Variants in ACSM3 observed in about 807,000 individuals in gnomAD.
The protein encoded by ACSM3 is acyl-coenzyme A synthetase ACSM3, mitochondrial.
In ACSM3, 61 loss-of-function variants were observed where a neutral mutation model predicts 74.1. The observed-to-expected ratio is 0.82, with a 90% confidence interval of 0.67 to 1.02. The LOEUF (loss-of-function observed/expected upper bound fraction) is 1.02, where lower values mean the gene tolerates loss of function less well. Among genes scored for constraint, ACSM3 ranks in the 50% least tolerant of loss-of-function variants. The probability of loss-of-function intolerance (pLI) is 0.00; values close to 1 mark genes in which losing one functional copy is unlikely to be tolerated. For missense variants in ACSM3, 660 were observed against 697.0 expected (o/e 0.95, Z 0.60); for synonymous variants, 213 against 241.5 (o/e 0.88, Z 1.09).
intron 7 of ACSM3, chr16:20,784,702 C>G: frequency 5.8e-6 from 1 of 173,600 alleles, no homozygotes; most frequent in African/African-American, 2.4e-5. Context: ...TAAATTATAC[C>G]TCCACCACAA....
chr16:20,675,101 G>A (rs1053890509), intron 1 of ACSM3, among the ~76,000 whole-genome samples: 3 of 152,130 alleles, frequency 2.0e-5, no homozygotes, highest in Non-Finnish European at 2.9e-5. Flanking sequence ...GGGTGTGTGC[G>A]GACCTACCCA....
chr16:20,737,718 T>G (rs2079882425), intron 1 of ACSM3: 1 of 1,606,436 alleles, frequency 6.2e-7, no homozygotes, highest in East Asian at 2.2e-5. Flanking sequence ...CTGCCAATTC[T>G]CTGATAACTT....
At chr16:20,793,284 C>T (rs2080643458) in intron 12 of ACSM3, among the ~76,000 whole-genome samples, 1 of 152,064 alleles carries the variant, frequency 6.6e-6, no homozygotes, top group African/African-American at 2.4e-5. Context: ...GCCTGGTCAA[C>T]ATGGTGAAAC....
chr16:20,730,487 C>T (rs1269936391), intron 1 of ACSM3, among the ~76,000 whole-genome samples: 1 of 152,160 alleles, frequency 6.6e-6, no homozygotes, highest in East Asian at 1.9e-4. Context: ...CAGCAAGTGA[C>T]AAAATTTCAA....
chr16:20,779,733 G>T (rs1394327054), intron 4 of ACSM3: 1 of 155,058 alleles, frequency 6.4e-6, no homozygotes, highest in African/African-American at 2.4e-5. Context: ...AGACTCTCTT[G>T]TGGGAAACAG....
chr16:20,767,045 T>TC (rs2080133733), intron 1 of ACSM3, among the ~76,000 whole-genome samples: 2 of 152,148 alleles, frequency 1.3e-5, no homozygotes, highest in Non-Finnish European at 2.9e-5. Context: ...TATTTTTTTT[T>TC]CCCTCTGTAC....
At chr16:20,738,740 C>T in intron 1 of ACSM3, 1 of 798,206 alleles carries the variant, frequency 1.3e-6, no homozygotes, top group Non-Finnish European at 2.0e-6. Context: ...CCCCATTCTA[C>T]CTCTCCACAG....
intron 1 of ACSM3, among the ~76,000 whole-genome samples, chr16:20,746,008 A>G (rs969535709): frequency 6.6e-6 from 1 of 152,224 alleles, no homozygotes; most frequent in Non-Finnish European, 1.5e-5. Flanking sequence ...GGTATCAAGT[A>G]CGATTAAAAG....
chr16:20,786,644 C>A (rs2080480538), intron 9 of ACSM3, among the ~76,000 whole-genome samples: 1 of 152,228 alleles, frequency 6.6e-6, no homozygotes, highest in Non-Finnish European at 1.5e-5. Context: ...GATCACACCA[C>A]TGCACTCTAA....
intron 2 of ACSM3, among the ~76,000 whole-genome samples, chr16:20,750,844 G>GTTTTGTTT (rs1739204045): frequency 8.7e-6 from 1 of 115,350 alleles, no homozygotes; most frequent in African/African-American, 3.1e-5. Context: ...TTGGAGTCAG[G>GTTTTGTTT]TTTTTTTTTT....
At chr16:20,702,614 T>G (rs1164104751) in intron 1 of ACSM3, among the ~76,000 whole-genome samples, 1 of 152,246 alleles carries the variant, frequency 6.6e-6, no homozygotes, top group Non-Finnish European at 1.5e-5. Flanking sequence ...TATCTCCTAT[T>G]GAGAACTATC....
chr16:20,771,364 C>T lies in ACSM3; in HGVS notation c.219+1111C>T, dbSNP rs116840419. On this transcript the variant is annotated intron_variant, in intron 2 of 13. Transcript: ENST00000289416. ...GCGTGAGCCACCCACCACGCCAGGC[C>T]GAGCTCCTTTTTTTTTTTTTTTTTT... Among the ~76,000 whole-genome samples the T allele has an allele frequency of 3.3e-3, 476 of 144,166 alleles. 4 individuals are homozygous for T. The highest frequency in any genetic ancestry group is 0.012 in the African/African-American group (454 of 39,120). The allele number at this position is 144,166 out of a possible 152,430, so 94.6% of individuals were successfully genotyped here.
chr16:20,742,258 T>TG (rs71149178), intron 1 of ACSM3, among the ~76,000 whole-genome samples: 64,932 of 152,134 alleles, frequency 0.43, 16,398 homozygotes, highest in Non-Finnish European at 0.58. Flanking sequence ...CTTGAGTTAT[T>TG]GAAAAACAGA....
intron 1 of ACSM3, among the ~76,000 whole-genome samples, chr16:20,700,354 G>A (rs1353977481): frequency 6.6e-6 from 1 of 152,116 alleles, no homozygotes; most frequent in Non-Finnish European, 1.5e-5. Flanking sequence ...ATAAGCAAGA[G>A]GATTTCAAAT....
At chr16:20,697,998 T>C (rs2079699085) in intron 1 of ACSM3, among the ~76,000 whole-genome samples, 1 of 151,774 alleles carries the variant, frequency 6.6e-6, no homozygotes, top group Admixed American at 6.6e-5. Flanking sequence ...ATGGAGACCA[T>C]CCTGGCTAAC....
chr16:20,729,518 G>A, intron 1 of ACSM3: 3 of 598,720 alleles, frequency 5.0e-6, no homozygotes, highest in Non-Finnish European at 9.4e-6. Flanking sequence ...TGTCAAATCA[G>A]CTGTTGTCAG....
intron 1 of ACSM3, among the ~76,000 whole-genome samples, chr16:20,699,422 A>G (rs903897891): frequency 6.6e-6 from 1 of 152,190 alleles, no homozygotes; most frequent in Admixed American, 6.5e-5. Context: ...CATTCCTGAC[A>G]GGACCGTGTG....
intron 2 of ACSM3, among the ~76,000 whole-genome samples, chr16:20,775,549 C>A (rs952031540): frequency 6.6e-6 from 1 of 152,134 alleles, no homozygotes; most frequent in Admixed American, 6.5e-5. Flanking sequence ...GTTTTCAGGT[C>A]TCAGAGAGTT....
At chr16:20,716,452 G>A (rs1167384423) in intron 1 of ACSM3, among the ~76,000 whole-genome samples, 1 of 152,134 alleles carries the variant, frequency 6.6e-6, no homozygotes, top group Non-Finnish European at 1.5e-5. Flanking sequence ...ACTCCTCGTG[G>A]CTTGGATGGA....
Sources: allele counts gnomAD v4.1 joint callset (sites outside exome capture counted in the v4.1 genomes callset), GRCh38; gene constraint gnomAD v4.1.1; transcripts MANE v1.5; gene names NCBI Gene and HGNC (gene_info 2026-07-23, HGNC 2026-07-21).